PLXNA2: variants seen among roughly 807,000 people sequenced by gnomAD.
PLXNA2 encodes plexin-A2.
Under a neutral mutation model 193.5 loss-of-function variants are expected in PLXNA2, and 91 were observed. That is an observed-to-expected ratio of 0.47 (90% CI 0.40 to 0.56). PLXNA2 has a LOEUF of 0.56. Ranked by LOEUF, PLXNA2 falls within the 20% of genes least tolerant of loss-of-function variation. PLXNA2 has a pLI of 0.00. For synonymous variants in PLXNA2, 997 were observed against 1,027.3 expected, an observed-to-expected ratio of 0.97 and a Z score of 0.56; for missense variants, 1,995 against 2,503.2, an observed-to-expected ratio of 0.80 and a Z score of 4.33.
Position 208,217,365 on chromosome 1 carries a change from C to A in PLXNA2, c.558G>T (p.Thr186=). 2 of 1,614,152 alleles carry A rather than the reference C, an allele frequency of 1.2e-6. No homozygotes were observed. The highest frequency in any genetic ancestry group is 1.7e-6 in the Non-Finnish European group (2 of 1,180,032). The change falls in exon 2 of 32, where the codon ACG becomes ACT. Residue 186 remains threonine, a synonymous_variant. Transcript: ENST00000367033. The surrounding 1 kb of genome is among the most constrained non-coding windows in gnomAD (Gnocchi z 4.7). ...EGEDGKLFIG[T]AVDGKQDYFP... ...AGTAATCCTGCTTCCCATCCACAGCCGTGCCGATGAAGAGCTTGCCATCCT... is the reference window on the plus strand; with the variant it reads ...AGTAATCCTGCTTCCCATCCACAGCAGTGCCGATGAAGAGCTTGCCATCCT...
intron 8 of PLXNA2, among the ~76,000 whole-genome samples, chr1:208,095,606 T>C (rs1666855460): frequency 6.6e-6 from 1 of 152,170 alleles, no homozygotes; most frequent in African/African-American, 2.4e-5. Flanking sequence ...TGTGGGTGAC[T>C]GTGTGCATAG....
intron 5 of PLXNA2, among the ~76,000 whole-genome samples, chr1:208,101,299 A>G (rs753898622): frequency 1.2e-4 from 18 of 152,280 alleles, no homozygotes; most frequent in Non-Finnish European, 2.2e-4. Flanking sequence ...TAAAGAGGCC[A>G]CCGTGGGGAC....
intron 4 of PLXNA2, among the ~76,000 whole-genome samples, chr1:208,110,069 C>CT (rs1421547139): frequency 1.3e-5 from 2 of 152,236 alleles, no homozygotes; most frequent in African/African-American, 2.4e-5. Flanking sequence ...CCTTGACACT[C>CT]ATTCAGAGTC....
At chr1:208,212,866 T>G (rs1671009670) in intron 2 of PLXNA2, among the ~76,000 whole-genome samples, 1 of 152,220 alleles carries the variant, frequency 6.6e-6, no homozygotes. Context: ...TTTTAGGCCT[T>G]TCTCTACTGA....
intron 12 of PLXNA2, among the ~76,000 whole-genome samples, chr1:208,068,872 G>GCGT (rs1665883759): frequency 6.6e-6 from 1 of 152,172 alleles, no homozygotes; most frequent in South Asian, 2.1e-4. Flanking sequence ...AGCTGTATTT[G>GCGT]CGTCTTAATG....
At chr1:208,146,929 A>G (rs1051800890) in intron 3 of PLXNA2, among the ~76,000 whole-genome samples, 8 of 152,326 alleles carry the variant, frequency 5.3e-5, no homozygotes, top group Non-Finnish European at 8.8e-5. Flanking sequence ...TACTGGGGCT[A>G]TTTTGCTTGG....
At chr1:208,078,785 T>A (rs2102380461) in intron 12 of PLXNA2, among the ~76,000 whole-genome samples, 1 of 152,174 alleles carries the variant, frequency 6.6e-6, no homozygotes, top group Non-Finnish European at 1.5e-5. Context: ...GGACGGGGAG[T>A]AAATCCTGGG....
rs1350233389 is a variant in PLXNA2, at chr1:208,044,825, G to A, written c.3640-83C>T. ...TGCCAGCAGATCCTTACAGTGCGAG[G>A]AAGGACATGACAGACCACAACCACA... On this transcript the variant is annotated intron_variant, in intron 19 of 31. Transcript: ENST00000367033. The surrounding 1 kb of genome is among the most constrained non-coding windows in gnomAD (Gnocchi z 4.9). 4 of 1,166,048 alleles carry A rather than the reference G, an allele frequency of 3.4e-6. No individual in the cohort carries two copies. Among genetic ancestry groups the A allele is most frequent in the African/African-American group, 1.5e-5 (1 of 66,016 alleles). 72.2% of individuals were successfully genotyped at this position (1,166,048 alleles called of 1,614,324 possible). A position where few individuals can be genotyped will look rare whatever the true frequency, so the allele number is the denominator to read the frequency against.
At chr1:208,193,696 T>G (rs1670257385) in intron 3 of PLXNA2, among the ~76,000 whole-genome samples, 1 of 152,204 alleles carries the variant, frequency 6.6e-6, no homozygotes, top group Non-Finnish European at 1.5e-5. Flanking sequence ...TAAAGATCTC[T>G]TTCACTTAGA....
intron 3 of PLXNA2, among the ~76,000 whole-genome samples, chr1:208,195,972 G>A (rs1478676133): frequency 6.6e-6 from 1 of 151,888 alleles, no homozygotes. Flanking sequence ...AGGGAGGTGG[G>A]GGGTACATTA....
chr1:208,178,611 C>T (rs941238507), intron 3 of PLXNA2, among the ~76,000 whole-genome samples: 1 of 152,222 alleles, frequency 6.6e-6, no homozygotes, highest in Non-Finnish European at 1.5e-5. Flanking sequence ...TCACACTGCA[C>T]CTGGGCCCTT....
chr1:208,186,685 G>A (rs1231320495), intron 3 of PLXNA2, among the ~76,000 whole-genome samples: 2 of 145,486 alleles, frequency 1.4e-5, no homozygotes, highest in Non-Finnish European at 3.0e-5. Flanking sequence ...GGAATGAAGG[G>A]CTGTCCTGGG....
Position 208,210,264 on chromosome 1 carries a change from A to C in PLXNA2, c.1371+16T>G. On this transcript the variant is annotated intron_variant, in intron 3 of 31. Coordinates refer to ENST00000367033, the MANE Select transcript of PLXNA2 (RefSeq NM_025179.4). ...AGGTGAATGGCATTGGAGCATCTGA[A>C]CTCATAGACTCTTACCTTTTTCAGC... 1 of 1,613,272 alleles carries C rather than the reference A, an allele frequency of 6.2e-7. No individual in the cohort carries two copies. The highest frequency in any genetic ancestry group is 8.5e-7 in the Non-Finnish European group (1 of 1,179,662).
Position 208,098,948 on chromosome 1 carries a change from G to C in PLXNA2, c.1629C>G (p.Cys543Trp). ...LHNMCSRRDK[C>W]QQAWEPNRFA... Reference sequence around the variant, plus strand: ...ATCGATTAGGTTCCCAGGCCTGTTGGCATTTGTCCCTGCGGGAGCACCTGC... The same window carrying C: ...ATCGATTAGGTTCCCAGGCCTGTTGCCATTTGTCCCTGCGGGAGCACCTGC... The change falls in exon 6 of 32, where the codon TGC becomes TGG. Residue 543 changes from cysteine (C) to tryptophan (W), a missense_variant. By Grantham distance (215) the Cys-to-Trp change is radical. This residue lies in a region of PLXNA2 where 702 missense variants were observed against 812.9 expected (regional missense o/e 0.86). Coordinates refer to ENST00000367033, the MANE Select transcript of PLXNA2 (RefSeq NM_025179.4). 6.2e-7 allele frequency: 1 copy of C among 1,612,606 alleles called. No homozygotes were observed. The highest frequency in any genetic ancestry group is 8.5e-7 in the Non-Finnish European group (1 of 1,179,724).
At chr1:208,154,936 A>T (rs1668891329) in intron 3 of PLXNA2, among the ~76,000 whole-genome samples, 1 of 152,228 alleles carries the variant, frequency 6.6e-6, no homozygotes, top group Non-Finnish European at 1.5e-5. Flanking sequence ...GGAAAGCATG[A>T]AAGAGGGATT....
At chr1:208,161,486 CAAATT>C (rs1669102749) in intron 3 of PLXNA2, among the ~76,000 whole-genome samples, 1 of 152,114 alleles carries the variant, frequency 6.6e-6, no homozygotes, top group South Asian at 2.1e-4. Context: ...AAACATCTCT[CAAATT>C]AAAAACAGTC....
At chr1:208,170,926 C>G (rs532344747) in intron 3 of PLXNA2, among the ~76,000 whole-genome samples, 1 of 152,184 alleles carries the variant, frequency 6.6e-6, no homozygotes, top group Non-Finnish European at 1.5e-5. Flanking sequence ...AGAAAAATAA[C>G]AAGAAGTAAT....
At chr1:208,186,880 C>T (rs1333403872) in intron 3 of PLXNA2, among the ~76,000 whole-genome samples, 9 of 150,618 alleles carry the variant, frequency 6.0e-5, no homozygotes, top group South Asian at 2.1e-4. Flanking sequence ...CCACCGCGCC[C>T]GGCTAATTTT....
In PLXNA2 at chr1:208,082,351, A is replaced by G. The variant is rs1666372527; in HGVS notation, c.2395+61T>C. On this transcript the variant is annotated intron_variant, in intron 11 of 31. Transcript: ENST00000367033. This position sits in a 1 kb window ranked among gnomAD's most constrained non-coding sequence, Gnocchi z 4.2. ...GCGGCTGGCTGGCTCTGATCCCTCT[A>G]GCCCCAGTCTTTCCCGGGGTCGTGA... The G allele has an allele frequency of 7.5e-7, 1 of 1,337,364 alleles. No homozygotes were observed. Among genetic ancestry groups the G allele is most frequent in the Non-Finnish European group, 1.1e-6 (1 of 940,418 alleles). 82.8% of individuals were successfully genotyped at this position (1,337,364 alleles called of 1,614,324 possible).
Sources: gnomAD v4.1 joint callset for allele counts (sites outside exome capture counted in the v4.1 genomes callset) on GRCh38, gnomAD v4.1.1 for gene constraint, gnomAD v4.1.1 regional missense constraint, Gnocchi (gnomAD v3.1) non-coding constraint, MANE v1.5 for transcripts, NCBI Gene and HGNC (gene_info 2026-07-23, HGNC 2026-07-21) for gene names.